MYT1L: variants seen among roughly 807,000 people sequenced by gnomAD.
MYT1L encodes the protein myelin transcription factor 1 like.
MYT1L carries 12 observed loss-of-function variants against 126.7 expected under a neutral mutation model. The observed-to-expected ratio is 0.09, with a 90% CI of 0.06 to 0.15. The LOEUF (loss-of-function observed/expected upper bound fraction) is 0.15, where lower values mean the gene tolerates loss of function less well. Among genes scored for constraint, MYT1L ranks in the 10% least tolerant of loss-of-function variants. The pLI, the probability that MYT1L is intolerant of heterozygous loss-of-function variation, is 1.00. For synonymous variants in MYT1L, 541 were observed against 604.2 expected (o/e 0.90, Z 1.53); for missense variants, 979 against 1,585.2 (o/e 0.62, Z 6.49).
At chr2:2,310,245 C>G (rs1356265280) in intron 1 of MYT1L, among the ~76,000 whole-genome samples, 3 of 151,614 alleles carry the variant, frequency 2.0e-5, no homozygotes, top group East Asian at 3.9e-4. Context: ...CATACTCTAC[C>G]TATACTTCAC....
chr2:2,300,565 C>T (rs2095767121), intron 1 of MYT1L, among the ~76,000 whole-genome samples: 2 of 152,186 alleles, frequency 1.3e-5, no homozygotes, highest in African/African-American at 4.8e-5. Context: ...TTGAACAATA[C>T]TCCATAAATG....
chr2:2,160,473 C>G lies in MYT1L; in HGVS notation c.-304+12399G>C, dbSNP rs115420881. ...TATCATCTGTAACCTTGGATAAATG[C>G]TGGATGTAGGCCATGGGCATCACTG... On this transcript the variant is annotated intron_variant, in intron 3 of 24. Coordinates refer to ENST00000647738, the MANE Select transcript of MYT1L (RefSeq NM_001303052.2). Among the ~76,000 whole-genome samples the G allele has an allele frequency of 4.2e-3, 642 of 152,196 alleles. 4 individuals carry two copies. Among genetic ancestry groups the G allele is most frequent in the African/African-American group, 0.015 (620 of 41,522 alleles).
At chr2:2,132,140 C>T (rs183169637) in intron 3 of MYT1L, among the ~76,000 whole-genome samples, 1,801 of 141,584 alleles carry the variant, frequency 0.013, 44 homozygotes, top group African/African-American at 0.045. Flanking sequence ...ATCTCCTGAT[C>T]TCATGATCTG....
chr2:1,910,032 C>T lies in MYT1L; in HGVS notation c.1817+208G>A, dbSNP rs1344819627. ...CTCATGTAAATTGTCACAGCGAATCCGCAGACACCAGGGGAAGAATGACAC... is the reference window on the plus strand; with the variant it reads ...CTCATGTAAATTGTCACAGCGAATCTGCAGACACCAGGGGAAGAATGACAC... On this transcript the variant is annotated intron_variant, in intron 13 of 24. Coordinates refer to ENST00000647738, the MANE Select transcript of MYT1L (RefSeq NM_001303052.2). This position sits in a 1 kb window ranked among gnomAD's most constrained non-coding sequence, Gnocchi z 4.8. Among the ~76,000 whole-genome samples, 5 of 152,174 alleles carry T rather than the reference C, an allele frequency of 3.3e-5. No individual in the cohort carries two copies. Among genetic ancestry groups the T allele is most frequent in the Non-Finnish European group, 5.9e-5 (4 of 68,038 alleles).
intron 4 of MYT1L, among the ~76,000 whole-genome samples, chr2:2,012,001 T>A (rs935481515): frequency 2.0e-5 from 3 of 152,194 alleles, no homozygotes; most frequent in African/African-American, 7.2e-5. Flanking sequence ...AATGGTGCAG[T>A]CACTTTAGAA....
At chr2:1,951,609 G>T (rs1443613991) in intron 8 of MYT1L, among the ~76,000 whole-genome samples, 1 of 152,188 alleles carries the variant, frequency 6.6e-6, no homozygotes, top group African/African-American at 2.4e-5. Context: ...ACCTCACCAA[G>T]TCGCTCCAGG....
intron 1 of MYT1L, among the ~76,000 whole-genome samples, chr2:2,308,822 T>A (rs17039536): frequency 0.034 from 5,111 of 151,608 alleles, 165 homozygotes; most frequent in South Asian, 0.11. Context: ...TATTCTACCT[T>A]TACTCCAGCT....
At chr2:1,845,466 T>G (rs1572803695) in intron 19 of MYT1L, among the ~76,000 whole-genome samples, 1 of 152,274 alleles carries the variant, frequency 6.6e-6, no homozygotes, top group Non-Finnish European at 1.5e-5. Context: ...TGGGCTTCTT[T>G]ATACCGGATG....
chr2:1,909,439 T>C (rs949028530), intron 13 of MYT1L, among the ~76,000 whole-genome samples: 3 of 152,228 alleles, frequency 2.0e-5, no homozygotes, highest in Non-Finnish European at 2.9e-5. Context: ...GATGATTACA[T>C]AGAGACAAGG....
chr2:1,791,535 A>G lies in MYT1L; in HGVS notation c.*332T>C, dbSNP rs1360140993. The G allele has an allele frequency of 8.9e-6, 3 of 337,670 alleles. No individual in the cohort carries two copies. Among genetic ancestry groups the G allele is most frequent in the African/African-American group, 6.4e-5 (3 of 47,226 alleles). The allele number at this position is 337,670 out of a possible 1,614,324, so 20.9% of individuals were successfully genotyped here. On this transcript the variant is annotated 3_prime_UTR_variant, in exon 25 of 25. Coordinates refer to ENST00000647738, the MANE Select transcript of MYT1L (RefSeq NM_001303052.2). The surrounding 1 kb of genome is among the most constrained non-coding windows in gnomAD (Gnocchi z 6.0). The stretch of plus-strand genomic sequence containing the variant: ...TACTAAAACATTTAATCACTAAAGC[A>G]TTAAAAAGAATTTACACTCTATTTA...
In MYT1L at chr2:1,889,616, A is replaced by C; in HGVS notation, c.2284-139T>G. 1.6e-6 allele frequency: 1 copy of C among 644,718 alleles called. No individual in the cohort carries two copies. The highest frequency in any genetic ancestry group is 3.0e-5 in the East Asian group (1 of 32,872). 39.9% of individuals were successfully genotyped at this position (644,718 alleles called of 1,614,324 possible). A position where few individuals can be genotyped will look rare whatever the true frequency, so the allele number is the denominator to read the frequency against. ...CCCTCGCTGCTGTTTCCTTGGCCTA[A>C]ACTCCCAAGGCGGACAGGCCTTGTC... On this transcript the variant is annotated intron_variant, in intron 15 of 24. Transcript: ENST00000647738. The surrounding 1 kb of genome is among the most constrained non-coding windows in gnomAD (Gnocchi z 4.1).
chr2:2,020,328 A>T (rs1206112132), intron 4 of MYT1L, among the ~76,000 whole-genome samples: 1 of 152,216 alleles, frequency 6.6e-6, no homozygotes, highest in Admixed American at 6.5e-5. Flanking sequence ...TCATGCACAC[A>T]TACCTATATT....
chr2:2,269,524 C>T (rs2095217922), intron 2 of MYT1L, among the ~76,000 whole-genome samples: 2 of 152,170 alleles, frequency 1.3e-5, no homozygotes, highest in African/African-American at 4.8e-5. Flanking sequence ...TAGCCTGGTT[C>T]CCTTGCTGAC....
chr2:2,200,265 C>G (rs1411642037), intron 2 of MYT1L, among the ~76,000 whole-genome samples: 1 of 152,102 alleles, frequency 6.6e-6, no homozygotes, highest in Non-Finnish European at 1.5e-5. Flanking sequence ...CAACGTTATT[C>G]CTACAACAAA....
At chr2:2,133,860 A>T (rs781572940) in intron 3 of MYT1L, among the ~76,000 whole-genome samples, 30 of 152,164 alleles carry the variant, frequency 2.0e-4, no homozygotes, top group Non-Finnish European at 4.1e-4. Flanking sequence ...ACATGCCCTA[A>T]TTGTACAAAT....
intron 2 of MYT1L, among the ~76,000 whole-genome samples, chr2:2,276,198 G>A (rs1439956094): frequency 2.0e-5 from 3 of 152,120 alleles, no homozygotes; most frequent in Non-Finnish European, 4.4e-5. Flanking sequence ...GGTAAGGTCC[G>A]TACACTGCAG....
chr2:1,848,528 A>T lies in MYT1L; in HGVS notation c.2774+3113T>A, dbSNP rs2042810106. On this transcript the variant is annotated intron_variant, in intron 19 of 24. Coordinates refer to ENST00000647738, the MANE Select transcript of MYT1L (RefSeq NM_001303052.2). This position sits in a 1 kb window ranked among gnomAD's most constrained non-coding sequence, Gnocchi z 4.8. The stretch of plus-strand genomic sequence containing the variant: ...CCTTGAATTGTGGCATAACTGAGGG[A>T]AAAAGAAGGCCAGTGAATCATCGTC... 2.0e-5 allele frequency among the ~76,000 whole-genome samples: 3 copies of T among 152,154 alleles called. No homozygotes were observed. The South Asian group carries it at 6.2e-4, about 32-fold the overall frequency.
intron 3 of MYT1L, among the ~76,000 whole-genome samples, chr2:2,163,642 G>A (rs943713752): frequency 9.9e-5 from 15 of 151,406 alleles, no homozygotes; most frequent in Non-Finnish European, 2.2e-4. Flanking sequence ...TGAGGCAGGA[G>A]AAAGGCATGA....
intron 8 of MYT1L, among the ~76,000 whole-genome samples, chr2:1,951,781 G>GA (rs1243515793): frequency 6.6e-6 from 1 of 152,198 alleles, no homozygotes. Flanking sequence ...TCCCAAATCT[G>GA]AGTTCTCCTT....
Sources: allele counts gnomAD v4.1 joint callset (sites outside exome capture counted in the v4.1 genomes callset), GRCh38; gene constraint gnomAD v4.1.1; non-coding constraint Gnocchi (gnomAD v3.1); transcripts MANE v1.5; gene names NCBI Gene and HGNC (gene_info 2026-07-23, HGNC 2026-07-21).